Variants in MPP7 observed in about 807,000 individuals in gnomAD.
MPP7 encodes the protein MAGUK p55 subfamily member 7.
Under a neutral mutation model 76.5 loss-of-function variants are expected in MPP7, and 60 were observed. The ratio of observed to expected loss-of-function variants is 0.78; its 90% CI spans 0.64 to 0.97. MPP7 has a LOEUF of 0.97. Ranked by LOEUF, MPP7 falls within the 50% of genes least tolerant of loss-of-function variation. MPP7 has a pLI of 0.00. For synonymous variants in MPP7, 237 were observed against 244.5 expected (o/e 0.97, Z 0.29); for missense variants, 641 against 694.0 (o/e 0.92, Z 0.86).
rs757907725 is a variant in MPP7, at chr10:28,131,672, T to C, written c.335A>G (p.Asp112Gly). Residue 112 changes from aspartate (D) to glycine (G), a missense_variant, in exon 6 of 17, where the codon GAT becomes GGT. By Grantham distance (94) the Asp-to-Gly change is moderately conservative (BLOSUM62 -1). Coordinates refer to ENST00000683449, the MANE Select transcript of MPP7 (RefSeq NM_001318170.2). Reference protein sequence around the residue: ...PNVKALLSVHDTVAQKNYDPV... With the variant: ...PNVKALLSVHGTVAQKNYDPV... Reference sequence around the variant, plus strand: ...GTCGTAATTCTTCTGAGCCACAGTATCATGTACAGAGAGCAAAGCCTGTAA... The same window carrying C: ...GTCGTAATTCTTCTGAGCCACAGTACCATGTACAGAGAGCAAAGCCTGTAA... 1.9e-6 allele frequency: 3 copies of C among 1,595,944 alleles called. No individual in the cohort carries two copies. The highest frequency in any genetic ancestry group is 1.1e-5 in the South Asian group (1 of 90,408).
At chr10:28,208,484 GACTC>G (rs1382983133) in intron 2 of MPP7, among the ~76,000 whole-genome samples, 1 of 152,180 alleles carries the variant, frequency 6.6e-6, no homozygotes, top group Non-Finnish European at 1.5e-5. Context: ...ATGCCCACAA[GACTC>G]ACTGGGAGTC....
intron 3 of MPP7, among the ~76,000 whole-genome samples, chr10:28,161,373 T>C (rs73608052): frequency 0.12 from 14,430 of 124,130 alleles, 1,246 homozygotes; most frequent in East Asian, 0.49. Context: ...TTTTATATAA[T>C]ACACTGCTTC....
chr10:28,072,607 G>C (rs966775738), intron 12 of MPP7, among the ~76,000 whole-genome samples: 1 of 152,134 alleles, frequency 6.6e-6, no homozygotes, highest in Non-Finnish European at 1.5e-5. Context: ...CCCAAATCCT[G>C]CCATCATCTT....
chr10:28,296,769 G>A (rs1028264221), intron 1 of MPP7, among the ~76,000 whole-genome samples: 8 of 152,188 alleles, frequency 5.3e-5, no homozygotes, highest in East Asian at 3.9e-4. Context: ...TTATATGCCT[G>A]GAAAAAACAT....
intron 1 of MPP7, among the ~76,000 whole-genome samples, chr10:28,270,532 A>AAGGGG (rs1304530937): frequency 1.9e-4 from 3 of 15,510 alleles, no homozygotes; most frequent in African/African-American, 2.8e-4. Context: ...AAAAAAAAAA[A>AAGGGG]GGGGGGGGGG....
At chr10:28,291,359 A>G (rs952597083) in intron 1 of MPP7, among the ~76,000 whole-genome samples, 5 of 152,174 alleles carry the variant, frequency 3.3e-5, no homozygotes, top group African/African-American at 1.2e-4. Flanking sequence ...TAATCCCAGC[A>G]CTTTGGGAGG....
chr10:28,154,251 C>T (rs2133792910), intron 3 of MPP7, among the ~76,000 whole-genome samples: 1 of 152,246 alleles, frequency 6.6e-6, no homozygotes, highest in South Asian at 2.1e-4. Flanking sequence ...TGTCATCTCC[C>T]TAGTAGTTTA....
At chr10:28,224,853 T>C (rs1332007551) in intron 2 of MPP7, among the ~76,000 whole-genome samples, 1 of 152,096 alleles carries the variant, frequency 6.6e-6, no homozygotes, top group Non-Finnish European at 1.5e-5. Flanking sequence ...TTAGATTTTG[T>C]TTATCAAAAA....
In MPP7 at chr10:28,319,739, G is replaced by C. The variant is rs182102279; in HGVS notation, c.-132+10190C>G. ...GTCTGTAATCCCAGCACTTTGGGAG[G>C]CCAACGCAGGTGGATCACTTGAGGC... is the stretch of plus-strand genomic sequence containing the variant. On this transcript the variant is annotated intron_variant, in intron 2 of 11. Transcript: ENST00000441595. Among the ~76,000 whole-genome samples, 353 of 152,230 alleles carry C rather than the reference G, an allele frequency of 2.3e-3. 2 individuals carry two copies. The highest frequency in any genetic ancestry group is 8.1e-3 in the African/African-American group (337 of 41,540).
intron 8 of MPP7, among the ~76,000 whole-genome samples, chr10:28,121,152 T>C (rs1224314671): frequency 2.0e-5 from 3 of 152,014 alleles, no homozygotes; most frequent in Non-Finnish European, 4.4e-5. Context: ...AAAAAAATTT[T>C]AAAAATTAGC....
chr10:28,196,082 C>G (rs1837572015), intron 3 of MPP7, among the ~76,000 whole-genome samples: 1 of 152,200 alleles, frequency 6.6e-6, no homozygotes, highest in African/African-American at 2.4e-5. Flanking sequence ...CCATTCATTG[C>G]ATATCTGAAA....
chr10:28,289,975 C>T (rs564460960), intron 1 of MPP7, among the ~76,000 whole-genome samples: 253 of 152,270 alleles, frequency 1.7e-3, no homozygotes, highest in South Asian at 7.1e-3. Flanking sequence ...TGTGCCACCA[C>T]GTCCAGCTAA....
At chr10:28,138,881 A>G (rs1249836934) in intron 5 of MPP7, among the ~76,000 whole-genome samples, 1 of 152,246 alleles carries the variant, frequency 6.6e-6, no homozygotes, top group East Asian at 1.9e-4. Context: ...ATTTACATTG[A>G]ATTCCGTTTA....
intron 5 of MPP7, among the ~76,000 whole-genome samples, chr10:28,146,513 T>G (rs1363547796): frequency 6.6e-6 from 1 of 151,760 alleles, no homozygotes; most frequent in East Asian, 1.9e-4. Flanking sequence ...GCCATTCTCC[T>G]GCCTCAGCCT....
chr10:28,147,786 G>C (rs1336225265), intron 4 of MPP7, among the ~76,000 whole-genome samples: 2 of 152,144 alleles, frequency 1.3e-5, no homozygotes, highest in East Asian at 1.9e-4. Context: ...TCAAGTAATC[G>C]TATCAGCCAG....
intron 1 of MPP7, among the ~76,000 whole-genome samples, chr10:28,290,573 AGCGATTCTCCT>A (rs1840893175): frequency 6.6e-6 from 1 of 152,102 alleles, no homozygotes; most frequent in Non-Finnish European, 1.5e-5. Context: ...CCCAGGTTCA[AGCGATTCTCCT>A]GTCTCGGCCT....
chr10:28,319,854 TG>T (rs1379366574), intron 2 of MPP7, among the ~76,000 whole-genome samples: 1 of 152,082 alleles, frequency 6.6e-6, no homozygotes, highest in Non-Finnish European at 1.5e-5. Flanking sequence ...TGCACGCCTG[TG>T]GTCCCAGCTA....
At chr10:28,296,793 G>T (rs749573979) in intron 1 of MPP7, among the ~76,000 whole-genome samples, 2 of 152,016 alleles carry the variant, frequency 1.3e-5, no homozygotes, top group South Asian at 4.1e-4. Flanking sequence ...GGGTTTTTTT[G>T]TTTTTGTTTT....
At chr10:28,234,700 A>G (rs1839009413) in intron 2 of MPP7, among the ~76,000 whole-genome samples, 1 of 152,212 alleles carries the variant, frequency 6.6e-6, no homozygotes. Context: ...TATCAGACAA[A>G]TTCCAGGAGA....
Sources: gnomAD v4.1 joint callset for allele counts (sites outside exome capture counted in the v4.1 genomes callset) on GRCh38, gnomAD v4.1.1 for gene constraint, MANE v1.5 for transcripts, NCBI Gene and HGNC (gene_info 2026-07-23, HGNC 2026-07-21) for gene names.